Variants in IGSF23 observed in about 807,000 individuals in gnomAD.
IGSF23 encodes immunoglobulin superfamily member 23.
A neutral mutation model predicts 17.8 loss-of-function variants in IGSF23; 14 were observed. That is an observed-to-expected ratio of 0.79 (90% confidence interval 0.52 to 1.23). The LOEUF is 1.23. Ranked by LOEUF, IGSF23 falls within the 50% of genes most tolerant of loss-of-function variation. IGSF23 has a pLI of 0.00. For missense variants in IGSF23, 214 were observed against 241.7 expected (o/e 0.89, Z 0.76); for synonymous variants, 85 against 92.5 (o/e 0.92, Z 0.46).
Position 44,623,892 on chromosome 19 carries a change from A to G in IGSF23, c.311A>G (p.Glu104Gly), listed in dbSNP as rs1209737705. ...CTGTTCATCCGACGGTTGTCCTGTG[A>G]GCAGCTGGGCACCTACATGTGCATA... is the stretch of plus-strand genomic sequence containing the variant. Reference protein sequence around the residue: ...EKLFIRRLSCEQLGTYMCIAT... With the variant: ...EKLFIRRLSCGQLGTYMCIAT... Residue 104 changes from glutamate (E) to glycine (G), a missense_variant, in exon 2 of 5, where the codon GAG (glutamate) becomes GGG (glycine). By Grantham distance (98) the Glu-to-Gly change is moderately conservative (BLOSUM62 -2). Transcript: ENST00000402988. 2 of 1,550,772 alleles carry G rather than the reference A, an allele frequency of 1.3e-6. No homozygotes were observed. Among genetic ancestry groups the G allele is most frequent in the Non-Finnish European group, 1.7e-6 (2 of 1,147,022 alleles).
rs147877632 is a variant in IGSF23, at chr19:44,619,197, G to T, written c.126-4510G>T. On this transcript the variant is annotated intron_variant, in intron 1 of 4. Coordinates refer to ENST00000402988, the MANE Select transcript of IGSF23 (RefSeq NM_001205280.2). Reference sequence around the variant, plus strand: ...ATTTTACAACAATCAGATCTCATGAGAACTCACTACCATGAGGACAGCGTC... The same window carrying T: ...ATTTTACAACAATCAGATCTCATGATAACTCACTACCATGAGGACAGCGTC... Among the ~76,000 whole-genome samples, 735 of 152,272 alleles carry T rather than the reference G, an allele frequency of 4.8e-3. 9 individuals carry two copies. Among genetic ancestry groups the T allele is most frequent in the African/African-American group, 0.017 (703 of 41,562 alleles).
At chr19:44,619,904 G>C (rs1160164475) in intron 1 of IGSF23, among the ~76,000 whole-genome samples, 1 of 152,148 alleles carries the variant, frequency 6.6e-6, no homozygotes, top group Non-Finnish European at 1.5e-5. Flanking sequence ...TTTGGTGGGG[G>C]ACTCAATTCA....
At chr19:44,627,927 G>A (rs1009905758) in intron 3 of IGSF23, among the ~76,000 whole-genome samples, 12 of 150,918 alleles carry the variant, frequency 8.0e-5, no homozygotes, top group African/African-American at 2.4e-4. Flanking sequence ...TTGGGTTGTT[G>A]TGAGTGAATT....
intron 1 of IGSF23, among the ~76,000 whole-genome samples, chr19:44,619,975 A>C (rs1174301923): frequency 6.6e-6 from 1 of 152,204 alleles, no homozygotes; most frequent in Non-Finnish European, 1.5e-5. Context: ...AAAGACTCAA[A>C]AAGTTCCAGT....
chr19:44,627,563 C>A lies in IGSF23; in HGVS notation c.535C>A (p.Gln179Lys). The A allele has an allele frequency of 6.5e-7, 1 of 1,550,184 alleles. No individual in the cohort carries two copies. The highest frequency in any genetic ancestry group is 8.7e-7 in the Non-Finnish European group (1 of 1,146,762). Reference sequence around the variant, plus strand: ...TGCAGGCATGTGTTTCATCATCATCCAGAGCCTAAGGTACCTCTATCCCTC... The same window carrying A: ...TGCAGGCATGTGTTTCATCATCATCAAGAGCCTAAGGTACCTCTATCCCTC... The part of the protein sequence containing the change: ...LIAGMCFIII[Q>K]SLRTDRQRIG... The change falls in exon 3 of 5, where the codon CAG (glutamine) becomes AAG (lysine). Residue 179 changes from glutamine to lysine, a missense_variant. Transcript: ENST00000402988.
chr19:44,630,111 G>A (rs1390882867), intron 3 of IGSF23, among the ~76,000 whole-genome samples: 1 of 152,186 alleles, frequency 6.6e-6, no homozygotes, highest in Non-Finnish European at 1.5e-5. Context: ...ATCAGTAACT[G>A]TACAGACCTC....
intron 1 of IGSF23, among the ~76,000 whole-genome samples, chr19:44,615,394 C>T (rs1009687604): frequency 7.9e-5 from 12 of 151,866 alleles, no homozygotes; most frequent in South Asian, 4.2e-4. Flanking sequence ...GAGGCCAAGG[C>T]GGGCGGATCA....
chr19:44,621,632 A>G (rs926638548), intron 1 of IGSF23, among the ~76,000 whole-genome samples: 4 of 152,196 alleles, frequency 2.6e-5, no homozygotes, highest in African/African-American at 7.2e-5. Flanking sequence ...GTCTCAAAAA[A>G]AAAAAGGAAT....
At chr19:44,625,288 A>G (rs1055095383) in intron 2 of IGSF23, among the ~76,000 whole-genome samples, 55 of 152,220 alleles carry the variant, frequency 3.6e-4, no homozygotes, top group Admixed American at 1.9e-3. Flanking sequence ...GTCTAGCACT[A>G]TCGAACACTA....
chr19:44,626,270 G>A (rs768897779), intron 2 of IGSF23, among the ~76,000 whole-genome samples: 2 of 152,138 alleles, frequency 1.3e-5, no homozygotes, highest in Admixed American at 6.5e-5. Context: ...GGAGCTTCAG[G>A]GCTGATGCAC....
intron 1 of IGSF23, among the ~76,000 whole-genome samples, chr19:44,623,102 T>C (rs745557077): frequency 1.3e-5 from 2 of 152,194 alleles, no homozygotes; most frequent in Non-Finnish European, 2.9e-5. Flanking sequence ...TAATCACTGC[T>C]GAGCCCCCGA....
At chr19:44,617,986 T>C (rs17658507) in intron 1 of IGSF23, 12,929 of 421,236 alleles carry the variant, frequency 0.031, 284 homozygotes, top group Middle Eastern at 0.055. Flanking sequence ...AGAAAACCAA[T>C]TTTTGCAACA....
intron 1 of IGSF23, among the ~76,000 whole-genome samples, chr19:44,614,928 C>G (rs773485040): frequency 2.6e-5 from 4 of 152,172 alleles, no homozygotes; most frequent in Non-Finnish European, 5.9e-5. Context: ...CCAGACCACA[C>G]TTTCCAGAGA....
At chr19:44,616,729 C>A (rs1171288893) in intron 1 of IGSF23, among the ~76,000 whole-genome samples, 19 of 128,872 alleles carry the variant, frequency 1.5e-4, no homozygotes, top group Middle Eastern at 3.9e-3. Flanking sequence ...GAAATAGAAA[C>A]AATAACAAGC....
chr19:44,623,696 TG>T lies in IGSF23; in HGVS notation c.126-10del, dbSNP rs1226096390. On this transcript the variant is annotated splice_polypyrimidine_tract_variant and intron_variant, in intron 1 of 4. Coordinates refer to ENST00000402988, the MANE Select transcript of IGSF23 (RefSeq NM_001205280.2). ...CACTCTTGTGGCCTTGTTCCCTGTT[TG>T]CACAGACAGCCTCCAACTAATGCCA... 4 of 1,550,978 alleles carry T rather than the reference TG, an allele frequency of 2.6e-6. No individual in the cohort carries two copies. The Middle Eastern group carries it at 5.0e-4, about 194-fold the overall frequency.
At chr19:44,620,341 TTGTGTGTGTGTG>T (rs373422531) in intron 1 of IGSF23, among the ~76,000 whole-genome samples, 19,643 of 139,348 alleles carry the variant, frequency 0.14, 1,547 homozygotes, top group East Asian at 0.37. Flanking sequence ...ATGACTAATT[TTGTGTGTGTGTG>T]TGTGTGTGTG....
intron 2 of IGSF23, 27 bp downstream of exon 2, chr19:44,623,999 A>ACC: frequency 1.1e-6 from 1 of 871,268 alleles, no homozygotes; most frequent in Non-Finnish European, 1.5e-6. Flanking sequence ...ACCCCACCCC[A>ACC]CCCCACCCAA....
At chr19:44,617,885 G>T (rs1222548825) in intron 1 of IGSF23, among the ~76,000 whole-genome samples, 1 of 152,164 alleles carries the variant, frequency 6.6e-6, no homozygotes, top group Non-Finnish European at 1.5e-5. Flanking sequence ...CCCACTGACA[G>T]AAACCAACCA....
chr19:44,626,005 C>A (rs956810932), intron 2 of IGSF23, among the ~76,000 whole-genome samples: 1 of 152,038 alleles, frequency 6.6e-6, no homozygotes, highest in African/African-American at 2.4e-5. Flanking sequence ...GTCCATTAAA[C>A]CTCCTTTTTT....
Sources: gnomAD v4.1 joint callset for allele counts (sites outside exome capture counted in the v4.1 genomes callset) on GRCh38, gnomAD v4.1.1 for gene constraint, MANE v1.5 for transcripts, NCBI Gene and HGNC (gene_info 2026-07-23, HGNC 2026-07-21) for gene names.